The following SLC12A8 variants were observed in gnomAD, a reference collection of about 807,000 sequenced individuals.
SLC12A8 encodes the protein cation-chloride cotransporter 9.
In SLC12A8, 69 loss-of-function variants were observed where a neutral mutation model predicts 75.6. The ratio of observed to expected loss-of-function variants is 0.91; its 90% CI spans 0.75 to 1.11. The LOEUF (loss-of-function observed/expected upper bound fraction) is 1.11. SLC12A8 is among the 50% of genes most tolerant of loss of function. The pLI, the probability that SLC12A8 is intolerant of heterozygous loss-of-function variation, is 0.00. For synonymous variants in SLC12A8, 365 were observed against 372.8 expected (o/e 0.98, Z 0.24); for missense variants, 877 against 896.7 (o/e 0.98, Z 0.28).
intron 5 of SLC12A8, among the ~76,000 whole-genome samples, chr3:125,156,326 G>T (rs530762575): frequency 6.6e-6 from 1 of 152,160 alleles, no homozygotes; most frequent in African/African-American, 2.4e-5. Flanking sequence ...ACATGGTGCC[G>T]GCTGCTTCGT....
intron 6 of SLC12A8, among the ~76,000 whole-genome samples, chr3:125,128,901 G>A (rs979653262): frequency 6.6e-6 from 1 of 152,176 alleles, no homozygotes; most frequent in East Asian, 1.9e-4. Context: ...GGGCTGAGGG[G>A]CCTGGAGACA....
At chr3:125,124,777 T>G (rs184431900) in intron 6 of SLC12A8, among the ~76,000 whole-genome samples, 1 of 152,240 alleles carries the variant, frequency 6.6e-6, no homozygotes, top group Admixed American at 6.5e-5. Context: ...TATTTTGACT[T>G]AGTATTTTTT....
At position 125,102,735 on chromosome 3, in the gene SLC12A8, A is replaced by G. The variant is rs750945907; in HGVS notation, c.1705+4746T>C. Among the ~76,000 whole-genome samples, 6 of 152,340 alleles carry G rather than the reference A, an allele frequency of 3.9e-5. 1 individual carries two copies. Among genetic ancestry groups the G allele is most frequent in the African/African-American group, 7.2e-5 (3 of 41,568 alleles). Reference sequence around the variant, plus strand: ...TGTCCACGTCTCTCCTGAAAATCCAATGAGAAGACAGAAAAGGAATGAAAC... The same window carrying G: ...TGTCCACGTCTCTCCTGAAAATCCAGTGAGAAGACAGAAAAGGAATGAAAC... On this transcript the variant is annotated intron_variant, in intron 10 of 13. Coordinates refer to ENST00000469902, the MANE Select transcript of SLC12A8 (RefSeq NM_024628.6).
intron 3 of SLC12A8, 88 bp downstream of exon 3, chr3:125,190,287 C>T (rs1424321467): frequency 2.8e-6 from 4 of 1,404,816 alleles, no homozygotes; most frequent in Non-Finnish European, 3.9e-6. Context: ...CTTCAGGAAT[C>T]TGTGGCCTGC....
chr3:125,170,580 A>G (rs1326649185), intron 5 of SLC12A8, among the ~76,000 whole-genome samples: 1 of 152,214 alleles, frequency 6.6e-6, no homozygotes, highest in Non-Finnish European at 1.5e-5. Context: ...GTGTGTGTTT[A>G]TGTACATGCA....
intron 2 of SLC12A8, among the ~76,000 whole-genome samples, chr3:125,208,682 C>G (rs374456974): frequency 1.3e-5 from 2 of 150,924 alleles, no homozygotes; most frequent in African/African-American, 4.9e-5. Flanking sequence ...CACCCTCGAC[C>G]ACCACACCAT....
intron 6 of SLC12A8, among the ~76,000 whole-genome samples, chr3:125,121,215 G>C (rs1022400136): frequency 6.6e-6 from 1 of 152,210 alleles, no homozygotes; most frequent in African/African-American, 2.4e-5. Flanking sequence ...CCACTGACAT[G>C]GAGTCACAAG....
chr3:125,154,996 G>A (rs918977158), intron 5 of SLC12A8: 1 of 152,156 alleles, frequency 6.6e-6, no homozygotes, highest in African/African-American at 2.4e-5. Context: ...GATGGCAGGC[G>A]GTGTGTACGG....
intron 5 of SLC12A8, among the ~76,000 whole-genome samples, chr3:125,139,996 G>A (rs371097107): frequency 2.0e-4 from 31 of 152,306 alleles, no homozygotes; most frequent in South Asian, 1.7e-3. Flanking sequence ...ACATCTGCAC[G>A]TGAGATTGTC....
chr3:125,108,616 ACCTTGGCCTAC>A (rs1408978164), intron 9 of SLC12A8, among the ~76,000 whole-genome samples: 1 of 152,136 alleles, frequency 6.6e-6, no homozygotes, highest in Non-Finnish European at 1.5e-5. Flanking sequence ...CAATCTGCCC[ACCTTGGCCTAC>A]CAGAGTGTTA....
intron 4 of SLC12A8, among the ~76,000 whole-genome samples, chr3:125,185,454 G>A (rs2107793039): frequency 6.7e-6 from 1 of 148,922 alleles, no homozygotes. Flanking sequence ...GCCTATATAA[G>A]TAAAGAGATT....
chr3:125,125,911 G>A (rs1015775303), intron 6 of SLC12A8: 18 of 983,512 alleles, frequency 1.8e-5, no homozygotes, highest in East Asian at 2.3e-4. Flanking sequence ...TATAATCGGC[G>A]CGATGCATTG....
chr3:125,137,237 A>T (rs545469976), intron 5 of SLC12A8, among the ~76,000 whole-genome samples: 52 of 152,322 alleles, frequency 3.4e-4, no homozygotes, highest in South Asian at 3.3e-3. Context: ...TATTTTTTTT[A>T]AAAAATAATG....
chr3:125,202,997 A>G, intron 2 of SLC12A8, among the ~76,000 whole-genome samples: 1 of 149,726 alleles, frequency 6.7e-6, no homozygotes, highest in South Asian at 2.1e-4. Flanking sequence ...CTGAGGCAGG[A>G]GAATCGCTTG....
chr3:125,168,772 G>A (rs1222163583), intron 5 of SLC12A8, among the ~76,000 whole-genome samples: 3 of 152,214 alleles, frequency 2.0e-5, no homozygotes, highest in Non-Finnish European at 4.4e-5. Flanking sequence ...GCAGACAGCA[G>A]AGGCAGGCAT....
In SLC12A8 at chr3:125,138,845, A is replaced by AACACACACAC. The variant is rs3061221; in HGVS notation, c.623-3073_623-3064dup. ...CAACACAGAAAGACCCCTTCTACAA[A>AACACACACAC]ACACACACACACACACACACACACA... On this transcript the variant is annotated intron_variant, in intron 5 of 13. Coordinates refer to ENST00000469902, the MANE Select transcript of SLC12A8 (RefSeq NM_024628.6). 3.0e-3 allele frequency among the ~76,000 whole-genome samples: 409 copies of AACACACACAC among 137,816 alleles called. 5 individuals are homozygous for AACACACACAC. The highest frequency in any genetic ancestry group is 0.01 in the African/African-American group (363 of 35,946). 90.4% of individuals were successfully genotyped at this position (137,816 alleles called of 152,430 possible).
intron 10 of SLC12A8, among the ~76,000 whole-genome samples, chr3:125,104,351 C>T (rs566813979): frequency 8.5e-5 from 13 of 152,148 alleles, no homozygotes; most frequent in Middle Eastern, 3.4e-3. Flanking sequence ...TCAGGTGATC[C>T]TCCTGCCCCA....
chr3:125,127,513 C>A (rs1313427273), intron 6 of SLC12A8, among the ~76,000 whole-genome samples: 4 of 152,128 alleles, frequency 2.6e-5, no homozygotes, highest in African/African-American at 9.7e-5. Flanking sequence ...AATAATAGAA[C>A]CTGTGGGAGG....
chr3:125,136,077 A>C (rs1291328077), intron 5 of SLC12A8, among the ~76,000 whole-genome samples: 1 of 152,216 alleles, frequency 6.6e-6, no homozygotes, highest in Non-Finnish European at 1.5e-5. Flanking sequence ...AATATAGCTG[A>C]AATATCTTTC....
Sources: gnomAD v4.1 joint callset for allele counts (sites outside exome capture counted in the v4.1 genomes callset) on GRCh38, gnomAD v4.1.1 for gene constraint, MANE v1.5 for transcripts, NCBI Gene and HGNC (gene_info 2026-07-23, HGNC 2026-07-21) for gene names.